MTHFD2L: variants seen among roughly 807,000 people sequenced by gnomAD.
MTHFD2L encodes the protein methylenetetrahydrofolate dehydrogenase (NADP+ dependent) 2 like.
MTHFD2L carries 29 observed loss-of-function variants against 34.9 expected under a neutral mutation model. The observed-to-expected ratio is 0.83, with a 90% CI of 0.62 to 1.13. MTHFD2L has a LOEUF of 1.13. MTHFD2L is among the 50% of genes most tolerant of loss of function. The probability of loss-of-function intolerance (pLI) is 0.00; values close to 1 mark genes in which losing one functional copy is unlikely to be tolerated. For missense variants in MTHFD2L, 481 were observed against 446.5 expected, an observed-to-expected ratio of 1.08 and a Z score of -0.70; for synonymous variants, 167 against 155.7, an observed-to-expected ratio of 1.07 and a Z score of -0.54.
intron 6 of MTHFD2L, among the ~76,000 whole-genome samples, chr4:74,272,385 A>G (rs1746106299): frequency 6.6e-6 from 1 of 152,200 alleles, no homozygotes; most frequent in South Asian, 2.1e-4. Flanking sequence ...TCATACCTAT[A>G]TCAATCAAAA....
intron 6 of MTHFD2L, among the ~76,000 whole-genome samples, chr4:74,232,897 T>C (rs1196214597): frequency 6.6e-6 from 1 of 152,214 alleles, no homozygotes; most frequent in Non-Finnish European, 1.5e-5. Context: ...TATTCAGTTC[T>C]TGACTATTGG....
intron 1 of MTHFD2L, among the ~76,000 whole-genome samples, chr4:74,127,912 A>G (rs1722195897): frequency 6.6e-6 from 1 of 152,000 alleles, no homozygotes; most frequent in South Asian, 2.1e-4. Context: ...AGCATCTGTT[A>G]TTACCTGTCA....
At chr4:74,214,020 G>C (rs900204422) in intron 5 of MTHFD2L, among the ~76,000 whole-genome samples, 1 of 151,630 alleles carries the variant, frequency 6.6e-6, no homozygotes, top group Non-Finnish European at 1.5e-5. Context: ...TCTTGTGTAT[G>C]GTTCACAAAG....
At chr4:74,200,083 A>G (rs1210439293) in intron 4 of MTHFD2L, 137 bp downstream of exon 4, 1 of 684,048 alleles carries the variant, frequency 1.5e-6, no homozygotes, top group African/African-American at 1.9e-5. Context: ...GTACAGAGAG[A>G]TATAAAATTG....
At chr4:74,131,978 A>G (rs1722546087) in intron 1 of MTHFD2L, among the ~76,000 whole-genome samples, 1 of 152,044 alleles carries the variant, frequency 6.6e-6, no homozygotes. Flanking sequence ...AAAAAAACAT[A>G]TATAAAAAGA....
upstream of MTHFD2L, among the ~76,000 whole-genome samples, chr4:74,153,701 C>A (rs1218882984): frequency 6.6e-6 from 1 of 152,106 alleles, no homozygotes; most frequent in East Asian, 1.9e-4. Context: ...TTTAAAGATT[C>A]TCTTCTGGTA....
At chr4:74,206,383 C>CATTT (rs1553910031) in intron 5 of MTHFD2L, among the ~76,000 whole-genome samples, 1 of 152,042 alleles carries the variant, frequency 6.6e-6, no homozygotes, top group Non-Finnish European at 1.5e-5. Flanking sequence ...GAAGTAATCT[C>CATTT]TGGAATTTTG....
At position 74,184,257 on chromosome 4, in the gene MTHFD2L, C is replaced by T. The variant is rs182599754; in HGVS notation, c.451+8854C>T. Among the ~76,000 whole-genome samples, 49 of 152,230 alleles carry T rather than the reference C, an allele frequency of 3.2e-4. No homozygotes were observed. The East Asian group carries it at 8.5e-3, about 26-fold the overall frequency. On this transcript the variant is annotated intron_variant, in intron 3 of 7. Transcript: ENST00000325278. ...TTGTCAAATTGGTTAAAAATCAAGTCCCAACTGTATGTTGCTTACATGAAA... is the reference window on the plus strand; with the variant it reads ...TTGTCAAATTGGTTAAAAATCAAGTTCCAACTGTATGTTGCTTACATGAAA...
At chr4:74,153,848 C>T (rs975624258), upstream of MTHFD2L, among the ~76,000 whole-genome samples, 13 of 151,906 alleles carry the variant, frequency 8.6e-5, no homozygotes, top group Non-Finnish European at 1.2e-4. Flanking sequence ...CTAGTTTTTC[C>T]GATTATTAAC....
intron 1 of MTHFD2L, among the ~76,000 whole-genome samples, chr4:74,142,394 A>G (rs998559875): frequency 1.3e-5 from 2 of 152,166 alleles, no homozygotes; most frequent in African/African-American, 2.4e-5. Flanking sequence ...GTTTTCCTCT[A>G]AGAACAGACC....
intron 1 of MTHFD2L, among the ~76,000 whole-genome samples, chr4:74,151,710 A>C (rs754540970): frequency 6.6e-6 from 1 of 152,164 alleles, no homozygotes; most frequent in Non-Finnish European, 1.5e-5. Context: ...AAAAACTGAG[A>C]TATTTTATTG....
In MTHFD2L at chr4:74,281,463, G is replaced by A; in HGVS notation, c.844G>A (p.Gly282Ser). 6.2e-7 allele frequency: 1 copy of A among 1,612,596 alleles called. No homozygotes were observed. Among genetic ancestry groups the A allele is most frequent in the Non-Finnish European group, 8.5e-7 (1 of 1,179,154 alleles). Residue 282 changes from glycine to serine, a missense_variant, in exon 7 of 8, where the codon GGT (glycine) becomes AGT (serine). Coordinates refer to ENST00000325278, the MANE Select transcript of MTHFD2L (RefSeq NM_001144978.3). ...GATTACGTCTGATATGGTTAAAGAA[G>A]GTGCTGCTGTAATTGATGTGGGTAT... is the stretch of plus-strand genomic sequence containing the variant. ...KLITSDMVKE[G>S]AAVIDVGINY...
At chr4:74,241,502 TC>T in intron 6 of MTHFD2L, 1 of 335,846 alleles carries the variant, frequency 3.0e-6, no homozygotes, top group Non-Finnish European at 6.1e-6. Context: ...CAAGTGATCC[TC>T]CCACCTCAGC....
At chr4:74,284,563 C>A (rs568744759) in intron 7 of MTHFD2L, among the ~76,000 whole-genome samples, 2 of 150,194 alleles carry the variant, frequency 1.3e-5, no homozygotes, top group East Asian at 2.0e-4. Flanking sequence ...TGTTTGAGTT[C>A]TTTGTAGATT....
intron 7 of MTHFD2L, among the ~76,000 whole-genome samples, chr4:74,285,541 A>G (rs1748063167): frequency 6.6e-6 from 1 of 152,134 alleles, no homozygotes; most frequent in Non-Finnish European, 1.5e-5. Flanking sequence ...TAGTAGTTTT[A>G]CTATTAATTT....
intron 5 of MTHFD2L, among the ~76,000 whole-genome samples, chr4:74,206,010 A>G (rs556808): frequency 0.1 from 15,455 of 152,082 alleles, 1,015 homozygotes; most frequent in African/African-American, 0.18. Context: ...TTTGAGTACC[A>G]TTGTGACCAC....
At chr4:74,159,673 C>G (rs1724982681) in intron 1 of MTHFD2L, among the ~76,000 whole-genome samples, 1 of 152,108 alleles carries the variant, frequency 6.6e-6, no homozygotes, top group Non-Finnish European at 1.5e-5. Context: ...ACACACACAC[C>G]AACTCATGTA....
intron 7 of MTHFD2L, among the ~76,000 whole-genome samples, chr4:74,283,310 A>G (rs975456515): frequency 6.6e-6 from 1 of 152,162 alleles, no homozygotes. Context: ...AGTAAAAAGT[A>G]TTCTGAAAGC....
chr4:74,256,504 C>T (rs1305561604), intron 6 of MTHFD2L, among the ~76,000 whole-genome samples: 1 of 152,160 alleles, frequency 6.6e-6, no homozygotes, highest in Non-Finnish European at 1.5e-5. Flanking sequence ...CCTAGATTTT[C>T]TTCTACGATT....
Sources: gnomAD v4.1 joint callset for allele counts (sites outside exome capture counted in the v4.1 genomes callset) on GRCh38, gnomAD v4.1.1 for gene constraint, MANE v1.5 for transcripts, NCBI Gene and HGNC (gene_info 2026-07-23, HGNC 2026-07-21) for gene names.